Variants in LRMDA observed in about 807,000 individuals in gnomAD.
The protein encoded by LRMDA is leucine rich melanocyte differentiation associated, also known as leucine-rich melanocyte differentiation-associated protein.
A neutral mutation model predicts 29.8 loss-of-function variants in LRMDA; 18 were observed. The ratio of observed to expected loss-of-function variants is 0.60; its 90% confidence interval spans 0.42 to 0.90. The LOEUF is 0.90. Ranked by LOEUF, LRMDA falls within the 40% of genes least tolerant of loss-of-function variation. The pLI is 0.00. For synonymous variants in LRMDA, 125 were observed against 109.4 expected (o/e 1.14, Z -0.89); for missense variants, 273 against 273.9 (o/e 1.00, Z 0.02).
At position 76,363,246 on chromosome 10, in the gene LRMDA, A is replaced by G. The variant is rs1440965932; in HGVS notation, c.601+38761A>G. ...AAGAAAGAAAGAAAGAAAGAAAGAAAGAAAGAAAGAAGGAAGGAAGGAAGG... is the reference window on the plus strand; with the variant it reads ...AAGAAAGAAAGAAAGAAAGAAAGAAGGAAAGAAAGAAGGAAGGAAGGAAGG... On this transcript the variant is annotated intron_variant, in intron 6 of 6. Transcript: ENST00000611255. Among the ~76,000 whole-genome samples the G allele has an allele frequency of 1.2e-3, 60 of 52,026 alleles. 9 individuals carry two copies. The highest frequency in any genetic ancestry group is 4.2e-3 in the African/African-American group (46 of 11,000). The allele number at this position is 52,026 out of a possible 152,430, so 34.1% of individuals were successfully genotyped here.
intron 2 of LRMDA, among the ~76,000 whole-genome samples, chr10:75,703,977 G>T (rs965802423): frequency 1.3e-5 from 2 of 152,170 alleles, no homozygotes; most frequent in African/African-American, 2.4e-5. Context: ...GCCAAGTTCT[G>T]GTTCTATAAA....
At chr10:76,505,933 T>C (rs1218099430) in intron 6 of LRMDA, among the ~76,000 whole-genome samples, 1 of 152,128 alleles carries the variant, frequency 6.6e-6, no homozygotes, top group Admixed American at 6.6e-5. Context: ...ATCAATTGGC[T>C]TTGTTTCTGG....
Position 75,731,690 on chromosome 10 carries a change from A to C in LRMDA, c.131+293196A>C, listed in dbSNP as rs1842698998. 1.3e-5 allele frequency among the ~76,000 whole-genome samples: 2 copies of C among 152,208 alleles called. 1 individual carries two copies. The highest frequency in any genetic ancestry group is 4.8e-5 in the African/African-American group (2 of 41,454). On this transcript the variant is annotated intron_variant, in intron 2 of 6. Coordinates refer to ENST00000611255, the MANE Select transcript of LRMDA (RefSeq NM_001305581.2). ...TGGTAAAGCATGTTTCATACTGCAA[A>C]GTAATTGCTGATTGACACGTTGGTT...
At position 76,149,428 on chromosome 10, in the gene LRMDA, C is replaced by T. The variant is rs542928559; in HGVS notation, c.516+90645C>T. On this transcript the variant is annotated intron_variant, in intron 5 of 6. Transcript: ENST00000611255. ...ACCTCATTTTTCAGTGTTTCCATTT[C>T]CTCATCTGTTATTTAAGGGTGTTGA... Among the ~76,000 whole-genome samples, 11 of 152,280 alleles carry T rather than the reference C, an allele frequency of 7.2e-5. No individual in the cohort carries two copies. In the East Asian group the frequency reaches 2.1e-3, roughly 29 times the overall value.
chr10:76,401,957 C>A (rs116750511), intron 6 of LRMDA, among the ~76,000 whole-genome samples: 1 of 151,818 alleles, frequency 6.6e-6, no homozygotes, highest in African/African-American at 2.4e-5. Context: ...GAGGTGGGGT[C>A]GGGGGAAACA....
chr10:75,863,000 TA>T (rs570618367), intron 2 of LRMDA, among the ~76,000 whole-genome samples: 209 of 146,400 alleles, frequency 1.4e-3, no homozygotes, highest in Middle Eastern at 3.5e-3. Context: ...TCCTGGCTTA[TA>T]AAAAAAAAAG....
At chr10:76,007,072 C>G (rs2132475355) in intron 2 of LRMDA, among the ~76,000 whole-genome samples, 1 of 149,526 alleles carries the variant, frequency 6.7e-6, no homozygotes, top group Non-Finnish European at 1.5e-5. Flanking sequence ...TCTCTCTGCC[C>G]CCTGGGCCTG....
intron 6 of LRMDA, among the ~76,000 whole-genome samples, chr10:76,419,136 T>C (rs1842048158): frequency 6.6e-6 from 1 of 152,224 alleles, no homozygotes; most frequent in African/African-American, 2.4e-5. Context: ...CTTAGTGGTG[T>C]ATATTCTATG....
At chr10:75,686,560 G>T (rs1329530205) in intron 2 of LRMDA, among the ~76,000 whole-genome samples, 1 of 152,142 alleles carries the variant, frequency 6.6e-6, no homozygotes, top group Non-Finnish European at 1.5e-5. Flanking sequence ...CATAACAGGT[G>T]CTCATTAAAT....
intron 5 of LRMDA, among the ~76,000 whole-genome samples, chr10:76,296,531 G>A (rs893623885): frequency 4.6e-5 from 7 of 152,224 alleles, no homozygotes; most frequent in African/African-American, 1.4e-4. Context: ...CCATACAGCT[G>A]TTGTTTCTCA....
intron 2 of LRMDA, among the ~76,000 whole-genome samples, chr10:75,731,223 G>T (rs1423397773): frequency 6.6e-6 from 1 of 152,204 alleles, no homozygotes; most frequent in African/African-American, 2.4e-5. Flanking sequence ...ACCAGGTTGT[G>T]TTTTGAAACT....
intron 2 of LRMDA, among the ~76,000 whole-genome samples, chr10:76,035,317 T>A (rs2132505992): frequency 6.6e-6 from 1 of 151,704 alleles, no homozygotes; most frequent in African/African-American, 2.4e-5. Context: ...TAAAAAGAAA[T>A]AATAAAAGAA....
At chr10:75,860,836 G>A (rs557555878) in intron 2 of LRMDA, among the ~76,000 whole-genome samples, 1 of 152,318 alleles carries the variant, frequency 6.6e-6, no homozygotes, top group South Asian at 2.1e-4. Flanking sequence ...ATACACTGGG[G>A]AAGAACTCGG....
intron 2 of LRMDA, among the ~76,000 whole-genome samples, chr10:75,879,023 T>C (rs959243486): frequency 7.9e-5 from 12 of 152,224 alleles, no homozygotes; most frequent in Non-Finnish European, 1.6e-4. Context: ...TCTGCTGTCT[T>C]GGACATTGCT....
In LRMDA at chr10:76,324,327, A is replaced by C; in HGVS notation, c.517-74A>C. 4.8e-6 allele frequency: 6 copies of C among 1,245,194 alleles called. 1 individual carries two copies. In the South Asian group the frequency reaches 7.2e-5, roughly 15 times the overall value. 77.1% of individuals were successfully genotyped at this position (1,245,194 alleles called of 1,614,324 possible). ...CTCCAAGCTCAGATCCCAAGGAGAC[A>C]GGTCTGGTAAATGAGGGTATTTGGT... On this transcript the variant is annotated intron_variant, in intron 5 of 6. Coordinates refer to ENST00000611255, the MANE Select transcript of LRMDA (RefSeq NM_001305581.2).
At chr10:76,509,941 C>G (rs1842993718) in intron 6 of LRMDA, among the ~76,000 whole-genome samples, 1 of 152,176 alleles carries the variant, frequency 6.6e-6, no homozygotes, top group Non-Finnish European at 1.5e-5. Flanking sequence ...AAGGACAGCT[C>G]AAAGCTGAGG....
Position 76,324,335 on chromosome 10 carries a change from T to C in LRMDA, c.517-66T>C. 3.0e-6 allele frequency: 4 copies of C among 1,355,010 alleles called. No homozygotes were observed. The South Asian group carries it at 4.7e-5, about 16-fold the overall frequency. The allele number at this position is 1,355,010 out of a possible 1,614,324, so 83.9% of individuals were successfully genotyped here. ...TCAGATCCCAAGGAGACAGGTCTGG[T>C]AAATGAGGGTATTTGGTATTTGGTG... On this transcript the variant is annotated intron_variant, in intron 5 of 6. Coordinates refer to ENST00000611255, the MANE Select transcript of LRMDA (RefSeq NM_001305581.2).
In LRMDA at chr10:76,324,302, C is replaced by T. The variant is rs1840806706; in HGVS notation, c.517-99C>T. On this transcript the variant is annotated intron_variant, in intron 5 of 6. Transcript: ENST00000611255. Reference sequence around the variant, plus strand: ...GAAGTATCTTGGTGAATAATATTTTCTCCAAGCTCAGATCCCAAGGAGACA... The same window carrying T: ...GAAGTATCTTGGTGAATAATATTTTTTCCAAGCTCAGATCCCAAGGAGACA... The T allele has an allele frequency of 2.9e-6, 3 of 1,026,080 alleles. No homozygotes were observed. In the South Asian group the frequency reaches 4.0e-5, roughly 14 times the overall value. The allele number at this position is 1,026,080 out of a possible 1,614,324, so 63.6% of individuals were successfully genotyped here.
chr10:75,976,192 C>G (rs1373978778), intron 2 of LRMDA, among the ~76,000 whole-genome samples: 1 of 152,270 alleles, frequency 6.6e-6, no homozygotes, highest in Non-Finnish European at 1.5e-5. Flanking sequence ...TCTCTCTACT[C>G]TGTACATGCC....
Sources: allele counts gnomAD v4.1 joint callset (sites outside exome capture counted in the v4.1 genomes callset), GRCh38; gene constraint gnomAD v4.1.1; transcripts MANE v1.5; gene names NCBI Gene and HGNC (gene_info 2026-07-23, HGNC 2026-07-21).